The following SFXN1 variants were observed in gnomAD, a reference collection of about 807,000 sequenced individuals.
The protein encoded by SFXN1 is sideroflexin-1.
In SFXN1, 32 loss-of-function variants were observed where a neutral mutation model predicts 39.5. That is an observed-to-expected ratio of 0.81 (90% CI 0.61 to 1.09). SFXN1 has a LOEUF of 1.09. SFXN1 is among the 50% of genes least tolerant of loss of function. The probability of loss-of-function intolerance (pLI) is 0.00; values close to 1 mark genes in which losing one functional copy is unlikely to be tolerated. For synonymous variants in SFXN1, 136 were observed against 146.5 expected (o/e 0.93, Z 0.52); for missense variants, 402 against 407.1 (o/e 0.99, Z 0.11).
At position 175,529,610 on chromosome 5, in the gene SFXN1, A is replaced by G. The variant is rs2113380018; in HGVS notation, c.*2876A>G. On this transcript the variant is annotated 3_prime_UTR_variant, in exon 11 of 11. Coordinates refer to ENST00000321442, the MANE Select transcript of SFXN1 (RefSeq NM_022754.7). ...TATTTCTATTAACATGATACAAAGG[A>G]TGATGATTGTAAGTGTTTACTGACT... The G allele has an allele frequency of 1.3e-5, 2 of 152,324 alleles. No individual in the cohort carries two copies. Among genetic ancestry groups the G allele is most frequent in the Non-Finnish European group, 2.9e-5 (2 of 68,038 alleles). 9.4% of individuals were successfully genotyped at this position (152,324 alleles called of 1,614,324 possible).
Position 175,526,780 on chromosome 5 carries a change from G to C in SFXN1, c.*46G>C. ...AGCTCATTCTGCCACTGCAAAGCTG[G>C]TGTAGCCATGCTGGTGAGAAAAATC... On this transcript the variant is annotated 3_prime_UTR_variant, in exon 11 of 11. Coordinates refer to ENST00000321442, the MANE Select transcript of SFXN1 (RefSeq NM_022754.7). The C allele has an allele frequency of 6.7e-7, 1 of 1,496,858 alleles. No homozygotes were observed. Among genetic ancestry groups the C allele is most frequent in the Non-Finnish European group, 9.3e-7 (1 of 1,074,314 alleles). The allele number at this position is 1,496,858 out of a possible 1,614,324, so 92.7% of individuals were successfully genotyped here.
chr5:175,500,706 ACTAC>A (rs1249939319), intron 2 of SFXN1, among the ~76,000 whole-genome samples: 1 of 152,222 alleles, frequency 6.6e-6, no homozygotes, highest in Non-Finnish European at 1.5e-5. Context: ...AGAAACTCAC[ACTAC>A]CTGGTCTTAA....
At position 175,526,928 on chromosome 5, in the gene SFXN1, C is replaced by CCTG; in HGVS notation, c.*194_*195insCTG. 1 of 587,596 alleles carries CCTG rather than the reference C, an allele frequency of 1.7e-6. No homozygotes were observed. Among genetic ancestry groups the CCTG allele is most frequent in the South Asian group, 2.1e-5 (1 of 46,838 alleles). The allele number at this position is 587,596 out of a possible 1,614,324, so 36.4% of individuals were successfully genotyped here. ...GCCAAGTGCCTGATACTCCCTTACACTGAATCATGTTATGATTTATAGAAA... is the reference window on the plus strand; with the variant it reads ...GCCAAGTGCCTGATACTCCCTTACACCTGTGAATCATGTTATGATTTATAGAAA... On this transcript the variant is annotated 3_prime_UTR_variant, in exon 11 of 11. Transcript: ENST00000321442.
intron 1 of SFXN1, among the ~76,000 whole-genome samples, chr5:175,479,250 A>G (rs1034701314): frequency 1.1e-4 from 17 of 152,238 alleles, no homozygotes; most frequent in African/African-American, 3.4e-4. Context: ...TAACCTGCCC[A>G]GAATGACAAT....
chr5:175,495,683 C>G (rs1386156203), intron 2 of SFXN1, among the ~76,000 whole-genome samples: 2 of 149,830 alleles, frequency 1.3e-5, no homozygotes, highest in Middle Eastern at 3.2e-3. Flanking sequence ...GACTTGAGAT[C>G]GCACCACTGC....
intron 1 of SFXN1, among the ~76,000 whole-genome samples, chr5:175,490,912 T>C (rs1374538568): frequency 6.6e-6 from 1 of 152,124 alleles, no homozygotes; most frequent in African/African-American, 2.4e-5. Flanking sequence ...AATTGTATAA[T>C]AACATGTATA....
chr5:175,492,387 C>T lies in SFXN1; in HGVS notation c.164+120C>T, dbSNP rs547759517. 8.5e-4 allele frequency: 655 copies of T among 774,960 alleles called. 5 individuals carry two copies. In the East Asian group the frequency reaches 0.017, roughly 20 times the overall value. 48.0% of individuals were successfully genotyped at this position (774,960 alleles called of 1,614,324 possible). A position where few individuals can be genotyped will look rare whatever the true frequency, so the allele number is the denominator to read the frequency against. On this transcript the variant is annotated intron_variant, in intron 2 of 10. Transcript: ENST00000321442. ...TTTTTTTGCAATGGAATTCTTTTGA[C>T]CAAAAAAAAAAAAAGGAAGAAAAGA...
At chr5:175,489,437 G>A (rs1421160897) in intron 1 of SFXN1, among the ~76,000 whole-genome samples, 2 of 152,206 alleles carry the variant, frequency 1.3e-5, no homozygotes, top group Non-Finnish European at 2.9e-5. Flanking sequence ...CCTCAGCAGA[G>A]CCCAAGCCTC....
intron 2 of SFXN1, among the ~76,000 whole-genome samples, chr5:175,502,416 G>T (rs1042440735): frequency 2.0e-5 from 3 of 152,172 alleles, no homozygotes; most frequent in African/African-American, 7.2e-5. Flanking sequence ...CTATGCCCAG[G>T]AATGAAAAAG....
intron 2 of SFXN1, among the ~76,000 whole-genome samples, chr5:175,499,052 C>G (rs1045232531): frequency 1.3e-5 from 2 of 152,032 alleles, no homozygotes. Flanking sequence ...GCCAGGAGTT[C>G]GAGACCATCC....
At chr5:175,483,418 A>T (rs2113254385) in intron 1 of SFXN1, among the ~76,000 whole-genome samples, 1 of 152,292 alleles carries the variant, frequency 6.6e-6, no homozygotes, top group East Asian at 1.9e-4. Flanking sequence ...ATTTCTTTAA[A>T]ATCATTCATG....
chr5:175,510,208 G>C lies in SFXN1; in HGVS notation c.434+1G>C, dbSNP rs773721695. ...GTGGAGACGCACCCCTCACTGTCAAGTAAGGCTACGAGAATTGACCACTCT... is the reference window on the plus strand; with the variant it reads ...GTGGAGACGCACCCCTCACTGTCAACTAAGGCTACGAGAATTGACCACTCT... On this transcript the variant is annotated splice_donor_variant, in intron 4 of 10. Transcript: ENST00000321442. LOFTEE classifies it high-confidence loss of function. The C allele has an allele frequency of 6.2e-7, 1 of 1,607,478 alleles. No homozygotes were observed. The highest frequency in any genetic ancestry group is 8.5e-7 in the Non-Finnish European group (1 of 1,176,160).
At chr5:175,514,166 G>C (rs1195695750) in intron 7 of SFXN1, among the ~76,000 whole-genome samples, 1 of 152,158 alleles carries the variant, frequency 6.6e-6, no homozygotes, top group African/African-American at 2.4e-5. Context: ...AGTGGAGGCT[G>C]TGCGGGGAGG....
chr5:175,483,034 A>G (rs532910877), intron 1 of SFXN1, among the ~76,000 whole-genome samples: 1 of 152,334 alleles, frequency 6.6e-6, no homozygotes, highest in Admixed American at 6.5e-5. Flanking sequence ...GTGAATGAAT[A>G]AATAAAAAGA....
chr5:175,522,398 G>GTTGTGCCC lies in SFXN1; in HGVS notation c.850_857dup (p.Phe287ValfsTer12). 6.2e-7 allele frequency: 1 copy of GTTGTGCCC among 1,612,072 alleles called. No individual in the cohort carries two copies. Among genetic ancestry groups the GTTGTGCCC allele is most frequent in the Admixed American group, 1.7e-5 (1 of 59,380 alleles). On this transcript the variant is annotated frameshift_variant, in exon 10 of 11. Coordinates refer to ENST00000321442, the MANE Select transcript of SFXN1 (RefSeq NM_022754.7). LOFTEE classifies it high-confidence loss of function. ...AGTTTGGTGTTTGCTACACCCCTGT[G>GTTGTGCCC]TTGTGCCCTGTTTCCTCAGAAAAGG...
chr5:175,509,994 G>A (rs1397186222), intron 3 of SFXN1, 115 bp from the exon 4 acceptor site: 4 of 772,816 alleles, frequency 5.2e-6, no homozygotes, highest in Non-Finnish European at 4.3e-6. Context: ...GTGGCCTTAT[G>A]GCTTTCTCCC....
chr5:175,519,017 A>T (rs1441968281), intron 8 of SFXN1, among the ~76,000 whole-genome samples: 1 of 152,216 alleles, frequency 6.6e-6, no homozygotes, highest in Non-Finnish European at 1.5e-5. Flanking sequence ...TGTCCAGAAT[A>T]CATAAAGGAC....
At chr5:175,510,053 C>A in intron 3 of SFXN1, 56 bp from the exon 4 acceptor site, 1 of 1,462,060 alleles carries the variant, frequency 6.8e-7, no homozygotes, top group Non-Finnish European at 9.4e-7. Flanking sequence ...GTTTTCTGTT[C>A]CATGCCGCGG....
In SFXN1 at chr5:175,504,443, C is replaced by T. The variant is rs143236161; in HGVS notation, c.165-4589C>T. 3.4e-3 allele frequency among the ~76,000 whole-genome samples: 521 copies of T among 151,742 alleles called. 3 individuals are homozygous for T. The highest frequency in any genetic ancestry group is 0.012 in the African/African-American group (492 of 41,404). ...CACAAAAACTAACCGGGCGTGGTGG[C>T]GCACACCTGTAGTCGCAGGTACTCC... On this transcript the variant is annotated intron_variant, in intron 2 of 10. Transcript: ENST00000321442.
Sources: allele counts gnomAD v4.1 joint callset (sites outside exome capture counted in the v4.1 genomes callset), GRCh38; gene constraint gnomAD v4.1.1; transcripts MANE v1.5; gene names NCBI Gene and HGNC (gene_info 2026-07-23, HGNC 2026-07-21).